The following SPON2 variants were observed in gnomAD, a reference collection of about 807,000 sequenced individuals.
SPON2 encodes the protein spondin 2.
A neutral mutation model predicts 29.9 loss-of-function variants in SPON2; 32 were observed. The ratio of observed to expected loss-of-function variants is 1.07; its 90% confidence interval spans 0.81 to 1.44. The LOEUF (loss-of-function observed/expected upper bound fraction) is 1.44. SPON2 is among the 40% of genes most tolerant of loss of function. The pLI, the probability that SPON2 is intolerant of heterozygous loss-of-function variation, is 0.00. For missense variants in SPON2, 541 were observed against 455.5 expected (o/e 1.19, Z -1.71); for synonymous variants, 248 against 209.1 (o/e 1.19, Z -1.61).
chr4:1,183,246 A>AC (rs1022547880), intron 1 of SPON2, among the ~76,000 whole-genome samples: 3 of 151,272 alleles, frequency 2.0e-5, no homozygotes, highest in African/African-American at 7.3e-5. Context: ...CCATCAAAAA[A>AC]AAAAAAAAAC....
At chr4:1,194,223 G>C (rs1176964259) in intron 1 of SPON2, among the ~76,000 whole-genome samples, 1 of 152,160 alleles carries the variant, frequency 6.6e-6, no homozygotes, top group Admixed American at 6.5e-5. Flanking sequence ...TCCTCCAAGG[G>C]TCTTCGGCGA....
chr4:1,171,272 C>T lies in SPON2; in HGVS notation c.435G>A (p.Arg145=). 1 of 1,528,108 alleles carries T rather than the reference C, an allele frequency of 6.5e-7. No homozygotes were observed. 94.7% of individuals were successfully genotyped at this position (1,528,108 alleles called of 1,614,324 possible). ...QTSAELEVQR[R]HSLVSFVVRI... ...CCGGCCCCGCGCTCACCAGCGAGTG[C>T]CTGCGCTGCACCTCCAGCTCCGCCG... The change falls in exon 3 of 6, where the codon AGG becomes AGA. Residue 145 remains arginine, a synonymous_variant. Transcript: ENST00000290902.
intron 1 of SPON2, among the ~76,000 whole-genome samples, chr4:1,194,724 G>A (rs961876574): frequency 6.6e-6 from 1 of 152,126 alleles, no homozygotes; most frequent in African/African-American, 2.4e-5. Context: ...TCTGCCGGGC[G>A]CGGGGGGAAT....
upstream of SPON2, among the ~76,000 whole-genome samples, chr4:1,198,642 G>C (rs192618411): frequency 2.0e-5 from 3 of 152,026 alleles, no homozygotes; most frequent in African/African-American, 7.2e-5. Context: ...CTACACAAGA[G>C]AACAGCAAAT....
At chr4:1,186,496 G>A (rs1727810752) in intron 1 of SPON2, among the ~76,000 whole-genome samples, 1 of 152,014 alleles carries the variant, frequency 6.6e-6, no homozygotes, top group African/African-American at 2.4e-5. Context: ...TAGAGACGGG[G>A]TTTCACTGTG....
At chr4:1,207,087 C>T (rs1728360779) in intron 1 of SPON2, among the ~76,000 whole-genome samples, 2 of 152,072 alleles carry the variant, frequency 1.3e-5, no homozygotes, top group African/African-American at 2.4e-5. Context: ...TGGGCAGGTG[C>T]AGGGCAGTGC....
chr4:1,207,156 G>A (rs1728362146), intron 1 of SPON2, among the ~76,000 whole-genome samples: 1 of 152,104 alleles, frequency 6.6e-6, no homozygotes, highest in African/African-American at 2.4e-5. Flanking sequence ...GGACGCCAGG[G>A]CTGCTGCTGA....
chr4:1,176,856 A>ATTCATTCATTCACACAC (rs1553829555), upstream of SPON2, among the ~76,000 whole-genome samples: 31 of 145,722 alleles, frequency 2.1e-4, no homozygotes, highest in Non-Finnish European at 2.7e-4. Flanking sequence ...CACACACTTC[A>ATTCATTCATTCACACAC]TTCATTCATT....
intron 1 of SPON2, among the ~76,000 whole-genome samples, chr4:1,193,838 T>G (rs1576995679): frequency 4.0e-5 from 1 of 24,818 alleles, no homozygotes; most frequent in Non-Finnish European, 7.0e-5. Context: ...GGGAAGGACG[T>G]GGGGGGGCAG....
In SPON2 at chr4:1,190,013, T is replaced by C. The variant is rs1455686770; in HGVS notation, c.-239+4977A>G. Among the ~76,000 whole-genome samples the C allele has an allele frequency of 2.0e-5, 3 of 149,854 alleles. No individual in the cohort carries two copies. The East Asian group carries it at 5.8e-4, about 29-fold the overall frequency. ...TCAAAAAAAAAAAAAAAAAAGTTGG[T>C]TTTTGAAAAGATCAAGAAAATTGAA... On this transcript the variant is annotated intron_variant, in intron 1 of 3. Coordinates refer to the SPON2 transcript ENST00000502483.
chr4:1,182,225 G>GA (rs764099140), intron 1 of SPON2, among the ~76,000 whole-genome samples: 27 of 151,942 alleles, frequency 1.8e-4, no homozygotes, highest in East Asian at 7.7e-4. Flanking sequence ...CCCATTTAAA[G>GA]AAAAAAAGTC....
upstream of SPON2, among the ~76,000 whole-genome samples, chr4:1,173,599 A>C (rs4974567): frequency 6.6e-6 from 1 of 152,222 alleles, no homozygotes; most frequent in African/African-American, 2.4e-5. Flanking sequence ...GGAGCTCGGG[A>C]ATGGTCTTGC....
At chr4:1,167,875 C>A (rs928477635) in intron 5 of SPON2, 3 of 467,632 alleles carry the variant, frequency 6.4e-6, no homozygotes, top group Non-Finnish European at 1.1e-5. Context: ...CGCGTTTCTA[C>A]GTAAGAGCCG....
At position 1,171,266 on chromosome 4, in the gene SPON2, C is replaced by A. The variant is rs1235844610; in HGVS notation, c.441G>T (p.Ser147=). Residue 147 remains serine, a synonymous_variant, in exon 3 of 6, where the codon TCG becomes TCT. Transcript: ENST00000290902. ...SAELEVQRRH[S]LVSFVVRIVP... ...CCCCGGCCGGCCCCGCGCTCACCAG[C>A]GAGTGCCTGCGCTGCACCTCCAGCT... is the stretch of plus-strand genomic sequence containing the variant. 6.6e-7 allele frequency: 1 copy of A among 1,506,582 alleles called. No individual in the cohort carries two copies. The highest frequency in any genetic ancestry group is 2.1e-5 in the Admixed American group (1 of 47,378). 93.3% of individuals were successfully genotyped at this position (1,506,582 alleles called of 1,614,324 possible). A position where few individuals can be genotyped will look rare whatever the true frequency, so the allele number is the denominator to read the frequency against.
intron 1 of SPON2, among the ~76,000 whole-genome samples, chr4:1,184,596 A>G (rs571670862): frequency 1.8e-4 from 28 of 152,292 alleles, no homozygotes; most frequent in Non-Finnish European, 3.4e-4. Context: ...AGTAATCAAA[A>G]TCTAATAATC....
chr4:1,188,724 G>A (rs79466112), intron 1 of SPON2, among the ~76,000 whole-genome samples: 1 of 152,164 alleles, frequency 6.6e-6, no homozygotes, highest in Admixed American at 6.5e-5. Context: ...AACAATAACA[G>A]CTGGAGACTT....
chr4:1,195,069 CCA>C (rs1297732806), exon 1 of SPON2: 6 of 79,376 alleles, frequency 7.6e-5, no homozygotes, highest in Admixed American at 3.2e-4. Flanking sequence ...GCCGGCGTCT[CCA>C]ACCCCGCAGC....
chr4:1,185,483 G>A (rs927372026), intron 1 of SPON2, among the ~76,000 whole-genome samples: 14 of 151,624 alleles, frequency 9.2e-5, no homozygotes, highest in South Asian at 2.1e-4. Flanking sequence ...TGAGGCGAGC[G>A]GATCACCTGA....
chr4:1,204,736 C>T (rs901134054), intron 1 of SPON2, among the ~76,000 whole-genome samples: 2 of 152,196 alleles, frequency 1.3e-5, no homozygotes, highest in Non-Finnish European at 2.9e-5. Context: ...GCACGAGGGA[C>T]GGCACCTCGT....
Sources: gnomAD v4.1 joint callset for allele counts (sites outside exome capture counted in the v4.1 genomes callset) on GRCh38, gnomAD v4.1.1 for gene constraint, MANE v1.5 for transcripts, NCBI Gene and HGNC (gene_info 2026-07-23, HGNC 2026-07-21) for gene names.